The following MACROD2 variants were observed in gnomAD, a reference collection of about 807,000 sequenced individuals.
MACROD2 encodes the protein mono-ADP ribosylhydrolase 2, also known as ADP-ribose glycohydrolase MACROD2.
Under a neutral mutation model 70.4 loss-of-function variants are expected in MACROD2, and 36 were observed. The ratio of observed to expected loss-of-function variants is 0.51; its 90% confidence interval spans 0.39 to 0.68. The LOEUF is 0.68. Ranked by LOEUF, MACROD2 falls within the 30% of genes least tolerant of loss-of-function variation. The probability of loss-of-function intolerance (pLI) is 0.00; values close to 1 mark genes in which losing one functional copy is unlikely to be tolerated. For synonymous variants in MACROD2, 172 were observed against 178.8 expected (o/e 0.96, Z 0.30); for missense variants, 496 against 538.4 (o/e 0.92, Z 0.78).
chr20:14,568,878 A>T (rs1239113382), intron 4 of MACROD2, among the ~76,000 whole-genome samples: 3 of 151,940 alleles, frequency 2.0e-5, no homozygotes, highest in African/African-American at 7.2e-5. Flanking sequence ...TAGCTGTATC[A>T]TTCCTCACTC....
intron 5 of MACROD2, among the ~76,000 whole-genome samples, chr20:14,685,501 T>C (rs557657047): frequency 3.9e-5 from 6 of 152,240 alleles, no homozygotes; most frequent in Non-Finnish European, 7.3e-5. Context: ...TGTTTGCTCT[T>C]TGAATGCGGA....
chr20:15,657,413 A>G (rs1016877268), intron 8 of MACROD2, among the ~76,000 whole-genome samples: 3 of 152,200 alleles, frequency 2.0e-5, no homozygotes, highest in African/African-American at 7.2e-5. Flanking sequence ...AGCAGTTCCA[A>G]GCTCCAGTGG....
chr20:15,216,364 A>C (rs531046489), intron 5 of MACROD2, among the ~76,000 whole-genome samples: 1 of 152,186 alleles, frequency 6.6e-6, no homozygotes, highest in Non-Finnish European at 1.5e-5. Flanking sequence ...AAAATTTAAA[A>C]ACTGAGAAAA....
intron 5 of MACROD2, among the ~76,000 whole-genome samples, chr20:15,051,372 G>C (rs2075439525): frequency 8.3e-6 from 1 of 120,990 alleles, no homozygotes; most frequent in Admixed American, 1.0e-4. Flanking sequence ...GTGTGTGTGT[G>C]TGTGTGTGTG....
intron 5 of MACROD2, among the ~76,000 whole-genome samples, chr20:14,702,160 T>G (rs923319846): frequency 6.6e-6 from 1 of 152,162 alleles, no homozygotes. Context: ...AGCTTTATTT[T>G]TTTTTACCTA....
At chr20:14,784,088 A>G (rs752318009) in intron 5 of MACROD2, among the ~76,000 whole-genome samples, 2 of 152,142 alleles carry the variant, frequency 1.3e-5, no homozygotes, top group Non-Finnish European at 2.9e-5. Flanking sequence ...AACATCATCT[A>G]CACTGGCTAA....
At chr20:14,527,194 A>C (rs1357609335) in intron 4 of MACROD2, among the ~76,000 whole-genome samples, 1 of 152,184 alleles carries the variant, frequency 6.6e-6, no homozygotes, top group Non-Finnish European at 1.5e-5. Flanking sequence ...CTCGACGTCC[A>C]GCCACCTGTG....
intron 8 of MACROD2, among the ~76,000 whole-genome samples, chr20:15,574,314 A>G (rs1448201585): frequency 6.6e-6 from 1 of 152,168 alleles, no homozygotes; most frequent in African/African-American, 2.4e-5. Context: ...CATAATTCCA[A>G]GAACAACTCT....
chr20:14,062,202 TTC>T (rs1374280390), intron 2 of MACROD2, among the ~76,000 whole-genome samples: 1 of 152,164 alleles, frequency 6.6e-6, no homozygotes, highest in Non-Finnish European at 1.5e-5. Flanking sequence ...TTGTTTTAGC[TTC>T]TTTGTTCCAT....
At chr20:14,856,239 T>TA (rs2073254279) in intron 5 of MACROD2, among the ~76,000 whole-genome samples, 1 of 152,160 alleles carries the variant, frequency 6.6e-6, no homozygotes, top group Non-Finnish European at 1.5e-5. Context: ...AGAATTTAAT[T>TA]AAAATAAATA....
chr20:14,467,649 T>G (rs186005156), intron 3 of MACROD2, among the ~76,000 whole-genome samples: 4 of 152,154 alleles, frequency 2.6e-5, no homozygotes, highest in Non-Finnish European at 4.4e-5. Flanking sequence ...TGGAGCTGTT[T>G]CTATTCGGCT....
chr20:15,274,712 A>G (rs1176619072), intron 6 of MACROD2, among the ~76,000 whole-genome samples: 4 of 152,246 alleles, frequency 2.6e-5, no homozygotes, highest in African/African-American at 9.6e-5. Flanking sequence ...TAAGTAAAGC[A>G]GACACCGTCC....
chr20:15,968,690 T>A (rs1010531794), intron 13 of MACROD2, among the ~76,000 whole-genome samples: 1 of 150,544 alleles, frequency 6.6e-6, no homozygotes, highest in Non-Finnish European at 1.5e-5. Context: ...AGACTAGCTT[T>A]CAATAATGAA....
intron 8 of MACROD2, among the ~76,000 whole-genome samples, chr20:15,618,589 TAAAAC>T (rs778934536): frequency 1.5e-5 from 2 of 130,152 alleles, no homozygotes; most frequent in East Asian, 2.2e-4. Flanking sequence ...GGAAAAAAGG[TAAAAC>T]AAAACATGTT....
intron 6 of MACROD2, among the ~76,000 whole-genome samples, chr20:15,346,906 G>T (rs1206437974): frequency 6.6e-6 from 1 of 152,114 alleles, no homozygotes; most frequent in Non-Finnish European, 1.5e-5. Context: ...AATCTCTGGG[G>T]CTGAAAATTT....
intron 8 of MACROD2, among the ~76,000 whole-genome samples, chr20:15,641,533 A>G (rs778528975): frequency 6.6e-6 from 1 of 152,152 alleles, no homozygotes; most frequent in South Asian, 2.1e-4. Context: ...TTTGCTCTTC[A>G]TGGAATCTGG....
At chr20:15,749,685 C>A (rs1344411259) in intron 8 of MACROD2, among the ~76,000 whole-genome samples, 3 of 151,984 alleles carry the variant, frequency 2.0e-5, no homozygotes, top group Non-Finnish European at 2.9e-5. Context: ...TGAGGAAAAT[C>A]AGCTGTTACC....
Position 14,021,857 on chromosome 20 carries a change from C to T in MACROD2, c.163+19453C>T, listed in dbSNP as rs151149102. On this transcript the variant is annotated intron_variant, in intron 2 of 17. Coordinates refer to ENST00000684519, the MANE Select transcript of MACROD2 (RefSeq NM_001351661.2). Reference sequence around the variant, plus strand: ...TGGGGCTGGGGGACATTCTGCTTCACGTAGTCTTTCAGAGACAGAGTTGAA... The same window carrying T: ...TGGGGCTGGGGGACATTCTGCTTCATGTAGTCTTTCAGAGACAGAGTTGAA... Among the ~76,000 whole-genome samples the T allele has an allele frequency of 4.1e-3, 619 of 152,182 alleles. 1 individual carries two copies. Among genetic ancestry groups the T allele is most frequent in the East Asian group, 0.01 (54 of 5,172 alleles).
At chr20:14,141,410 A>G (rs142055020) in intron 3 of MACROD2, among the ~76,000 whole-genome samples, 89 of 152,300 alleles carry the variant, frequency 5.8e-4, no homozygotes, top group African/African-American at 2.0e-3. Flanking sequence ...GCCTTTCTTC[A>G]TCTATAAAAG....
Sources: gnomAD v4.1 joint callset for allele counts (sites outside exome capture counted in the v4.1 genomes callset) on GRCh38, gnomAD v4.1.1 for gene constraint, MANE v1.5 for transcripts, NCBI Gene and HGNC (gene_info 2026-07-23, HGNC 2026-07-21) for gene names.